TNNI3K: variants seen among roughly 807,000 people sequenced by gnomAD.
The protein encoded by TNNI3K is serine/threonine-protein kinase TNNI3K.
A neutral mutation model predicts 114.5 loss-of-function variants in TNNI3K; 140 were observed. That is an observed-to-expected ratio of 1.22 (90% CI 1.07 to 1.41). The LOEUF (loss-of-function observed/expected upper bound fraction) is 1.41, where lower values mean the gene tolerates loss of function less well. Ranked by LOEUF, TNNI3K falls within the 40% of genes most tolerant of loss-of-function variation. TNNI3K has a pLI of 0.00. For synonymous variants in TNNI3K, 347 were observed against 347.5 expected (o/e 1.00, Z 0.02); for missense variants, 1,125 against 1,007.6 (o/e 1.12, Z -1.58).
intron 20 of TNNI3K, among the ~76,000 whole-genome samples, chr1:74,460,459 C>T (rs535902212): frequency 6.6e-6 from 1 of 152,308 alleles, no homozygotes; most frequent in African/African-American, 2.4e-5. Context: ...ATAATAGTTG[C>T]TCAATAAATA....
chr1:74,435,387 T>A (rs1459598080), intron 17 of TNNI3K, among the ~76,000 whole-genome samples: 1 of 152,108 alleles, frequency 6.6e-6, no homozygotes, highest in Non-Finnish European at 1.5e-5. Context: ...ATCAGGCTAA[T>A]TAACATATCT....
chr1:74,444,792 A>G (rs1388807927), intron 20 of TNNI3K, among the ~76,000 whole-genome samples: 1 of 152,016 alleles, frequency 6.6e-6, no homozygotes, highest in Non-Finnish European at 1.5e-5. Flanking sequence ...CTACAAGACT[A>G]CATAACCAAA....
At position 74,318,160 on chromosome 1, in the gene TNNI3K, C is replaced by G. The variant is rs575981460; in HGVS notation, c.445-13290C>G. 2.1e-3 allele frequency among the ~76,000 whole-genome samples: 313 copies of G among 152,284 alleles called. 2 individuals carry two copies. The highest frequency in any genetic ancestry group is 3.5e-3 in the Non-Finnish European group (236 of 68,030). On this transcript the variant is annotated intron_variant, in intron 5 of 24. Transcript: ENST00000326637. Reference sequence around the variant, plus strand: ...CTATTGTCCTTCATTGCCTGATGTCCAATTTCATTTGTTGAAAATTAATGC... The same window carrying G: ...CTATTGTCCTTCATTGCCTGATGTCGAATTTCATTTGTTGAAAATTAATGC...
chr1:74,268,464 T>G (rs1253190997), intron 4 of TNNI3K, among the ~76,000 whole-genome samples: 1 of 151,822 alleles, frequency 6.6e-6, no homozygotes, highest in Non-Finnish European at 1.5e-5. Context: ...TGGTACAGCC[T>G]TTTTCCATGT....
chr1:74,330,519 T>C (rs1053178459), intron 5 of TNNI3K, among the ~76,000 whole-genome samples: 2 of 152,172 alleles, frequency 1.3e-5, no homozygotes, highest in Non-Finnish European at 2.9e-5. Context: ...TACAAAGTTA[T>C]TGTAAATTTT....
chr1:74,447,139 C>A (rs895422321), intron 20 of TNNI3K, among the ~76,000 whole-genome samples: 4 of 151,298 alleles, frequency 2.6e-5, no homozygotes, highest in Admixed American at 2.6e-4. Flanking sequence ...GGCAGTATGG[C>A]CATTTTCACG....
At chr1:74,517,907 AG>A (rs1320451179) in intron 23 of TNNI3K, among the ~76,000 whole-genome samples, 1 of 152,146 alleles carries the variant, frequency 6.6e-6, no homozygotes, top group Non-Finnish European at 1.5e-5. Flanking sequence ...ACCAGTTCCC[AG>A]GGGAGGCTGA....
intron 17 of TNNI3K, among the ~76,000 whole-genome samples, chr1:74,428,773 A>G (rs1282675542): frequency 6.6e-6 from 1 of 152,064 alleles, no homozygotes; most frequent in African/African-American, 2.4e-5. Flanking sequence ...CATTTCTGCA[A>G]AATGTTCAAA....
chr1:74,417,972 C>G (rs1217666084), intron 17 of TNNI3K, among the ~76,000 whole-genome samples: 1 of 152,040 alleles, frequency 6.6e-6, no homozygotes, highest in Non-Finnish European at 1.5e-5. Flanking sequence ...TTTCCAATTT[C>G]AATGTCTATT....
intron 23 of TNNI3K, among the ~76,000 whole-genome samples, chr1:74,497,149 A>G (rs964760154): frequency 6.6e-6 from 1 of 152,178 alleles, no homozygotes; most frequent in African/African-American, 2.4e-5. Context: ...TAATTTACTC[A>G]AAGTTTTTCT....
intron 5 of TNNI3K, among the ~76,000 whole-genome samples, chr1:74,321,741 A>T (rs1659620439): frequency 6.6e-6 from 1 of 152,090 alleles, no homozygotes; most frequent in Non-Finnish European, 1.5e-5. Context: ...ATTTAATTTT[A>T]ACCTGTGATA....
intron 5 of TNNI3K, among the ~76,000 whole-genome samples, chr1:74,301,165 T>G (rs1658307825): frequency 6.6e-6 from 1 of 152,126 alleles, no homozygotes; most frequent in Admixed American, 6.5e-5. Context: ...TTTGGGAGGC[T>G]GAGACGGCGG....
chr1:74,491,335 T>C (rs1039514329), intron 22 of TNNI3K, among the ~76,000 whole-genome samples: 1 of 152,212 alleles, frequency 6.6e-6, no homozygotes, highest in Non-Finnish European at 1.5e-5. Context: ...TTCTCCTGCC[T>C]CAGCCTCCCC....
intron 4 of TNNI3K, among the ~76,000 whole-genome samples, chr1:74,252,051 G>A (rs192784602): frequency 1.0e-3 from 152 of 152,308 alleles, no homozygotes; most frequent in Non-Finnish European, 1.7e-3. Flanking sequence ...GGAACAGGAA[G>A]GTAGTGAATG....
At chr1:74,490,864 A>G (rs1669033904) in intron 22 of TNNI3K, among the ~76,000 whole-genome samples, 1 of 152,234 alleles carries the variant, frequency 6.6e-6, no homozygotes, top group Admixed American at 6.5e-5. Flanking sequence ...ATACATATAA[A>G]TATAATGTCC....
chr1:74,481,087 A>C, intron 21 of TNNI3K: 4 of 582,692 alleles, frequency 6.9e-6, no homozygotes, highest in East Asian at 5.6e-5. Context: ...TAAAAACAAT[A>C]AACAATACAA....
chr1:74,355,278 G>C (rs1222090942), intron 11 of TNNI3K, among the ~76,000 whole-genome samples: 1 of 152,056 alleles, frequency 6.6e-6, no homozygotes, highest in African/African-American at 2.4e-5. Context: ...AGATTTCCTA[G>C]CCTACCAAGT....
At chr1:74,325,932 A>G (rs1433956422) in intron 5 of TNNI3K, among the ~76,000 whole-genome samples, 2 of 152,218 alleles carry the variant, frequency 1.3e-5, no homozygotes, top group Non-Finnish European at 2.9e-5. Flanking sequence ...TTACTAATGC[A>G]GATTTTTCCA....
chr1:74,340,443 A>G (rs1469894574), intron 7 of TNNI3K, among the ~76,000 whole-genome samples: 1 of 152,152 alleles, frequency 6.6e-6, no homozygotes, highest in African/African-American at 2.4e-5. Context: ...GTCGAAGACA[A>G]AACTAAATAC....
Sources: gnomAD v4.1 joint callset for allele counts (sites outside exome capture counted in the v4.1 genomes callset) on GRCh38, gnomAD v4.1.1 for gene constraint, MANE v1.5 for transcripts, NCBI Gene and HGNC (gene_info 2026-07-23, HGNC 2026-07-21) for gene names.